The following GRM7 variants were observed in gnomAD, a reference collection of about 807,000 sequenced individuals.
GRM7 encodes the protein glutamate metabotropic receptor 7.
In GRM7, 35 loss-of-function variants were observed where a neutral mutation model predicts 84.5. The ratio of observed to expected loss-of-function variants is 0.41; its 90% confidence interval spans 0.32 to 0.55. The LOEUF (loss-of-function observed/expected upper bound fraction) is 0.55. Ranked by LOEUF, GRM7 falls within the 20% of genes least tolerant of loss-of-function variation. The pLI is 0.19. For synonymous variants in GRM7, 487 were observed against 455.1 expected (o/e 1.07, Z -0.89); for missense variants, 1,003 against 1,194.6 (o/e 0.84, Z 2.36).
intron 1 of GRM7, among the ~76,000 whole-genome samples, chr3:7,110,374 G>C (rs1196973725): frequency 2.6e-5 from 4 of 152,094 alleles, no homozygotes; most frequent in Non-Finnish European, 5.9e-5. Context: ...GCCAAGGTGG[G>C]TGTATCACTT....
At chr3:7,162,386 A>G (rs1694653268) in intron 2 of GRM7, among the ~76,000 whole-genome samples, 1 of 152,178 alleles carries the variant, frequency 6.6e-6, no homozygotes, top group Non-Finnish European at 1.5e-5. Context: ...AAGGAGTTAA[A>G]GTGTCCCAGA....
intron 8 of GRM7, among the ~76,000 whole-genome samples, chr3:7,631,289 G>T (rs1385713944): frequency 6.6e-6 from 1 of 152,136 alleles, no homozygotes; most frequent in Non-Finnish European, 1.5e-5. Flanking sequence ...GATTCCAACA[G>T]AGGGACACTT....
chr3:7,737,344 A>G (rs570950079), intron 9 of GRM7, among the ~76,000 whole-genome samples: 12 of 152,220 alleles, frequency 7.9e-5, no homozygotes, highest in Non-Finnish European at 1.5e-4. Context: ...ATAAGTAGAT[A>G]TAACTTTAAA....
At chr3:7,600,991 C>T (rs1243229568) in intron 8 of GRM7, among the ~76,000 whole-genome samples, 1 of 146,880 alleles carries the variant, frequency 6.8e-6, no homozygotes, top group Non-Finnish European at 1.5e-5. Context: ...GCCACACAGG[C>T]TTCAATCCCT....
chr3:7,555,820 C>T (rs996798878), intron 7 of GRM7, among the ~76,000 whole-genome samples: 1 of 152,160 alleles, frequency 6.6e-6, no homozygotes, highest in Non-Finnish European at 1.5e-5. Flanking sequence ...GCTCATACTC[C>T]TGCCATCTGT....
At chr3:7,723,334 C>G (rs1702018482) in intron 9 of GRM7, among the ~76,000 whole-genome samples, 1 of 152,162 alleles carries the variant, frequency 6.6e-6, no homozygotes, top group Non-Finnish European at 1.5e-5. Flanking sequence ...TCTCTCCAGA[C>G]TCAACACCTT....
chr3:7,142,941 T>G (rs1444126182), intron 1 of GRM7, among the ~76,000 whole-genome samples: 1 of 152,148 alleles, frequency 6.6e-6, no homozygotes, highest in Non-Finnish European at 1.5e-5. Context: ...AATATGGTCC[T>G]GTGATACAGA....
At chr3:7,327,917 T>C (rs1381341532) in intron 4 of GRM7, among the ~76,000 whole-genome samples, 1 of 152,228 alleles carries the variant, frequency 6.6e-6, no homozygotes, top group Non-Finnish European at 1.5e-5. Flanking sequence ...TTGTAAGTCC[T>C]ACAGAAAACT....
At chr3:7,606,656 CCT>C (rs1696589755) in intron 8 of GRM7, among the ~76,000 whole-genome samples, 1 of 152,110 alleles carries the variant, frequency 6.6e-6, no homozygotes, top group Non-Finnish European at 1.5e-5. Context: ...GCCTCAGCCT[CCT>C]GAGTAGCTGG....
At chr3:7,029,327 A>C (rs1223442325) in intron 1 of GRM7, among the ~76,000 whole-genome samples, 50 of 115,308 alleles carry the variant, frequency 4.3e-4, no homozygotes, top group Non-Finnish European at 6.4e-4. Context: ...AAAAAAAAAA[A>C]CAAACAAAAA....
chr3:7,600,494 C>A (rs1159916939), intron 8 of GRM7, among the ~76,000 whole-genome samples: 1 of 152,048 alleles, frequency 6.6e-6, no homozygotes, highest in African/African-American at 2.4e-5. Context: ...TATGCCTGTG[C>A]TGTTGAACGG....
intron 5 of GRM7, among the ~76,000 whole-genome samples, chr3:7,424,399 C>T (rs1028977186): frequency 2.0e-5 from 3 of 151,956 alleles, no homozygotes; most frequent in South Asian, 4.2e-4. Context: ...CTTCCTTTAC[C>T]TTAAATACCT....
At chr3:7,211,066 TTTTG>T (rs1388353730) in intron 2 of GRM7, among the ~76,000 whole-genome samples, 1 of 152,230 alleles carries the variant, frequency 6.6e-6, no homozygotes, top group Admixed American at 6.5e-5. Context: ...GTTTTTATTA[TTTTG>T]TTTATTACTG....
intron 8 of GRM7, among the ~76,000 whole-genome samples, chr3:7,670,430 T>A (rs1176745994): frequency 1.3e-5 from 2 of 152,206 alleles, no homozygotes; most frequent in Non-Finnish European, 2.9e-5. Context: ...GTCGATGGCT[T>A]TGAAAACTGA....
intron 1 of GRM7, among the ~76,000 whole-genome samples, chr3:7,008,786 C>G (rs1695268119): frequency 1.3e-5 from 2 of 152,108 alleles, no homozygotes; most frequent in African/African-American, 4.8e-5. Context: ...TCCTTTCCTC[C>G]TCTTCTTTCT....
chr3:7,569,021 G>A (rs1197180970), intron 7 of GRM7, among the ~76,000 whole-genome samples: 5 of 152,174 alleles, frequency 3.3e-5, no homozygotes, highest in African/African-American at 1.2e-4. Flanking sequence ...CTGCGCCCCT[G>A]TGTGGGATCC....
At chr3:7,451,907 A>T (rs754973002) in intron 5 of GRM7, 2 of 152,270 alleles carry the variant, frequency 1.3e-5, no homozygotes, top group African/African-American at 2.4e-5. Context: ...TGTAGGAATG[A>T]TGTGACTAGC....
chr3:6,955,265 G>C (rs145129023), intron 1 of GRM7, among the ~76,000 whole-genome samples: 1 of 152,206 alleles, frequency 6.6e-6, no homozygotes, highest in Non-Finnish European at 1.5e-5. Flanking sequence ...GCCGGGGCTG[G>C]TGGCTTACGC....
chr3:7,492,344 C>CT (rs948296860), intron 7 of GRM7, among the ~76,000 whole-genome samples: 3 of 152,024 alleles, frequency 2.0e-5, no homozygotes, highest in Non-Finnish European at 2.9e-5. Context: ...TAAAAGTTCA[C>CT]TTTTTTTGTA....
Sources: allele counts gnomAD v4.1 joint callset (sites outside exome capture counted in the v4.1 genomes callset), GRCh38; gene constraint gnomAD v4.1.1; transcripts MANE v1.5; gene names NCBI Gene and HGNC (gene_info 2026-07-23, HGNC 2026-07-21).